The following RERE variants were observed in gnomAD, a reference collection of about 807,000 sequenced individuals.
The protein encoded by RERE is arginine-glutamic acid dipeptide repeats, also known as arginine-glutamic acid dipeptide repeats protein.
In RERE, 40 loss-of-function variants were observed where a neutral mutation model predicts 146.1. The observed-to-expected ratio is 0.27, with a 90% confidence interval of 0.21 to 0.36. The LOEUF is 0.36. Ranked by LOEUF, RERE falls within the 10% of genes least tolerant of loss-of-function variation. The pLI, the probability that RERE is intolerant of heterozygous loss-of-function variation, is 1.00. For synonymous variants in RERE, 1,003 were observed against 866.0 expected (o/e 1.16, Z -2.78); for missense variants, 1,933 against 2,138.7 (o/e 0.90, Z 1.90).
intron 7 of RERE, among the ~76,000 whole-genome samples, chr1:8,535,046 G>GA (rs1421860678): frequency 6.6e-6 from 1 of 152,014 alleles, no homozygotes; most frequent in African/African-American, 2.4e-5. Context: ...TCACTGAGGG[G>GA]GGAGGGAGGA....
chr1:8,615,223 G>A (rs979406128), intron 3 of RERE, among the ~76,000 whole-genome samples: 22 of 152,144 alleles, frequency 1.4e-4, no homozygotes, highest in African/African-American at 5.3e-4. Context: ...TGAAGGCAAA[G>A]TAAATAGACA....
intron 2 of RERE, among the ~76,000 whole-genome samples, chr1:8,626,091 T>A (rs1290753022): frequency 6.6e-6 from 1 of 152,180 alleles, no homozygotes; most frequent in Non-Finnish European, 1.5e-5. Context: ...AACATCAACT[T>A]AACATGCTAA....
intron 5 of RERE, 29 bp from the exon 6 acceptor site, chr1:8,556,600 A>T (rs1646010390): frequency 1.5e-6 from 2 of 1,371,030 alleles, no homozygotes. Flanking sequence ...AGACGACATT[A>T]AAACTGAGTT....
intron 15 of RERE, 92 bp downstream of exon 15, chr1:8,363,964 C>CT (rs751751003): frequency 8.3e-7 from 1 of 1,211,380 alleles, no homozygotes; most frequent in South Asian, 1.3e-5. Flanking sequence ...GTAAACAAGA[C>CT]TTTCGCTTCC....
Position 8,423,821 on chromosome 1 carries a change from G to A in RERE, c.1204-1014C>T, listed in dbSNP as rs1464080010. On this transcript the variant is annotated intron_variant, in intron 11 of 22. Coordinates refer to ENST00000400908, the MANE Select transcript of RERE (RefSeq NM_001042681.2). The surrounding 1 kb of genome is among the most constrained non-coding windows in gnomAD (Gnocchi z 5.4). The stretch of plus-strand genomic sequence containing the variant: ...GCAGAGCCCGGCGCGGCCGCGGGCG[G>A]CTGCAAAAGGCGGCCTGGATTGCCG... 2 of 458,990 alleles carry A rather than the reference G, an allele frequency of 4.4e-6. No homozygotes were observed. The highest frequency in any genetic ancestry group is 2.1e-5 in the African/African-American group (1 of 46,660). 28.4% of individuals were successfully genotyped at this position (458,990 alleles called of 1,614,324 possible).
intron 12 of RERE, among the ~76,000 whole-genome samples, chr1:8,401,566 C>G (rs1643264256): frequency 6.6e-6 from 1 of 152,084 alleles, no homozygotes; most frequent in African/African-American, 2.4e-5. Context: ...TCGAGGCCAG[C>G]CTGGGCAACA....
intron 1 of RERE, among the ~76,000 whole-genome samples, chr1:8,800,125 A>G (rs536916207): frequency 1.3e-5 from 2 of 151,958 alleles, no homozygotes; most frequent in Non-Finnish European, 2.9e-5. Flanking sequence ...GTGTTGGTGT[A>G]TTTTATGTGT....
At chr1:8,480,421 A>AG in intron 10 of RERE, among the ~76,000 whole-genome samples, 1 of 143,192 alleles carries the variant, frequency 7.0e-6, no homozygotes. Context: ...TACAGACCTG[A>AG]GCCACCAGGC....
intron 11 of RERE, among the ~76,000 whole-genome samples, chr1:8,455,647 G>T (rs1644445419): frequency 6.6e-6 from 1 of 152,140 alleles, no homozygotes; most frequent in Non-Finnish European, 1.5e-5. Flanking sequence ...AGCCAAAGAG[G>T]TCACTGCACT....
chr1:8,496,636 C>A (rs1454772813), intron 9 of RERE, among the ~76,000 whole-genome samples: 3 of 152,192 alleles, frequency 2.0e-5, no homozygotes, highest in Admixed American at 2.0e-4. Context: ...AGTCTGCCTG[C>A]CTGCTCTGTG....
chr1:8,805,005 TTG>T (rs1491036281), intron 1 of RERE, among the ~76,000 whole-genome samples: 2,505 of 111,152 alleles, frequency 0.023, 88 homozygotes, highest in African/African-American at 0.069. Context: ...TGTTTTGTTT[TTG>T]GTTTTTTTTT....
chr1:8,522,872 T>C (rs1200625420), intron 7 of RERE, among the ~76,000 whole-genome samples: 2 of 139,252 alleles, frequency 1.4e-5, no homozygotes. Context: ...AGACTCCGTC[T>C]CAAAAAAAAA....
chr1:8,382,707 G>A (rs1420973848), intron 12 of RERE, among the ~76,000 whole-genome samples: 3 of 152,036 alleles, frequency 2.0e-5, no homozygotes, highest in Non-Finnish European at 4.4e-5. Flanking sequence ...GCCACTGGCT[G>A]CACGACCTTG....
intron 1 of RERE, among the ~76,000 whole-genome samples, chr1:8,759,132 A>C (rs753752732): frequency 7.2e-5 from 11 of 152,180 alleles, no homozygotes; most frequent in Non-Finnish European, 1.2e-4. Flanking sequence ...AAAAATAAAA[A>C]GATACTGTGA....
chr1:8,687,838 G>A (rs1261595201), intron 1 of RERE, among the ~76,000 whole-genome samples: 1 of 152,102 alleles, frequency 6.6e-6, no homozygotes, highest in Admixed American at 6.6e-5. Context: ...ATTATATATT[G>A]CAAAGTAAAA....
chr1:8,530,836 C>T (rs1295246497), intron 7 of RERE, among the ~76,000 whole-genome samples: 2 of 150,938 alleles, frequency 1.3e-5, no homozygotes, highest in African/African-American at 4.9e-5. Flanking sequence ...GGACTACAGG[C>T]GCCCGCCACC....
At chr1:8,378,562 A>T (rs1642341779) in intron 12 of RERE, among the ~76,000 whole-genome samples, 1 of 152,240 alleles carries the variant, frequency 6.6e-6, no homozygotes, top group Non-Finnish European at 1.5e-5. Flanking sequence ...AGAAGAGATG[A>T]GGACACAGAC....
chr1:8,461,314 A>G (rs1437661408), intron 11 of RERE, among the ~76,000 whole-genome samples: 3 of 152,040 alleles, frequency 2.0e-5, no homozygotes, highest in Admixed American at 1.3e-4. Flanking sequence ...TTTTAGCATA[A>G]TATATGTGAA....
intron 1 of RERE, among the ~76,000 whole-genome samples, chr1:8,814,939 G>A (rs1037420816): frequency 6.6e-6 from 1 of 152,188 alleles, no homozygotes; most frequent in African/African-American, 2.4e-5. Flanking sequence ...CCTGTCAAAG[G>A]ACATCTGTAT....
Sources: allele counts gnomAD v4.1 joint callset (sites outside exome capture counted in the v4.1 genomes callset), GRCh38; gene constraint gnomAD v4.1.1; non-coding constraint Gnocchi (gnomAD v3.1); transcripts MANE v1.5; gene names NCBI Gene and HGNC (gene_info 2026-07-23, HGNC 2026-07-21).